CEP83: variants seen among roughly 807,000 people sequenced by gnomAD.
CEP83 encodes the protein centrosomal protein of 83 kDa.
In CEP83, 70 loss-of-function variants were observed where a neutral mutation model predicts 101.9. The observed-to-expected ratio is 0.69, with a 90% CI of 0.57 to 0.84. The LOEUF (loss-of-function observed/expected upper bound fraction) is 0.84, where lower values mean the gene tolerates loss of function less well. CEP83 is among the 40% of genes least tolerant of loss of function. The pLI, the probability that CEP83 is intolerant of heterozygous loss-of-function variation, is 0.00. For missense variants in CEP83, 715 were observed against 787.2 expected (o/e 0.91, Z 1.10); for synonymous variants, 264 against 267.9 (o/e 0.99, Z 0.14).
intron 6 of CEP83, among the ~76,000 whole-genome samples, chr12:94,384,000 G>C (rs974272750): frequency 6.6e-6 from 1 of 152,056 alleles, no homozygotes; most frequent in South Asian, 2.1e-4. Flanking sequence ...GAAAATTCAT[G>C]AAGCAAAAGG....
intron 2 of CEP83, chr12:94,424,622 G>A: frequency 6.2e-7 from 1 of 1,613,634 alleles, no homozygotes; most frequent in Admixed American, 1.7e-5. Context: ...GGCCTTCAGT[G>A]CTGTTACAGC....
Position 94,355,706 on chromosome 12 carries a change from G to A in CEP83, c.1343+12088C>T, listed in dbSNP as rs566763222. On this transcript the variant is annotated intron_variant, in intron 11 of 16. Transcript: ENST00000397809. ...TAATGTCCAAGCTGGAAGGTTGTGG[G>A]TTTACAGGAACGAGGGCAAGGAACA... Among the ~76,000 whole-genome samples, 323 of 152,314 alleles carry A rather than the reference G, an allele frequency of 2.1e-3. 1 individual carries two copies. The highest frequency in any genetic ancestry group is 7.5e-3 in the African/African-American group (311 of 41,574).
the CEP83 span, among the ~76,000 whole-genome samples, chr12:94,296,307 T>C: frequency 2.0e-5 from 3 of 151,986 alleles, no homozygotes; most frequent in African/African-American, 7.3e-5. Context: ...ATTACAGGAG[T>C]GTGCTACCAT....
At chr12:94,392,081 C>A (rs926245604) in intron 6 of CEP83, among the ~76,000 whole-genome samples, 2 of 152,118 alleles carry the variant, frequency 1.3e-5, no homozygotes, top group African/African-American at 4.8e-5. Flanking sequence ...GACAGATCAA[C>A]GAGACAGAAG....
chr12:94,281,016 C>T, the CEP83 span, among the ~76,000 whole-genome samples: 2 of 152,178 alleles, frequency 1.3e-5, no homozygotes, highest in African/African-American at 4.8e-5. Flanking sequence ...TGGTGGCTCA[C>T]GCCTGTAATC....
At chr12:94,353,623 A>C (rs551430995) in intron 11 of CEP83, among the ~76,000 whole-genome samples, 2 of 152,260 alleles carry the variant, frequency 1.3e-5, no homozygotes, top group South Asian at 2.1e-4. Flanking sequence ...CCCCCAATTA[A>C]GACATATAGA....
chr12:94,390,038 G>A (rs1298085088), intron 6 of CEP83, among the ~76,000 whole-genome samples: 2 of 152,248 alleles, frequency 1.3e-5, no homozygotes, highest in African/African-American at 2.4e-5. Flanking sequence ...TGTGGGTGGG[G>A]CATAGCTGAA....
chr12:94,373,838 T>C (rs895828487), intron 8 of CEP83, among the ~76,000 whole-genome samples: 3 of 152,224 alleles, frequency 2.0e-5, no homozygotes, highest in African/African-American at 7.2e-5. Context: ...TTTGCTAGAA[T>C]TGCAAAATGT....
intron 2 of CEP83, among the ~76,000 whole-genome samples, chr12:94,413,770 A>C (rs2064062723): frequency 6.7e-6 from 1 of 148,994 alleles, no homozygotes; most frequent in Non-Finnish European, 1.5e-5. Flanking sequence ...TAAGAACAAA[A>C]ATTTTAATTA....
chr12:94,365,665 G>A (rs145048302), intron 11 of CEP83, among the ~76,000 whole-genome samples: 9 of 151,454 alleles, frequency 5.9e-5, no homozygotes. Flanking sequence ...AGCTACTCAG[G>A]AGGCAGGAGA....
chr12:94,352,419 CAAA>C (rs770031305), intron 11 of CEP83, among the ~76,000 whole-genome samples: 7 of 75,888 alleles, frequency 9.2e-5, no homozygotes, highest in Admixed American at 1.5e-4. Flanking sequence ...GACTTTGTCT[CAAA>C]AAAAAAAAAA....
Position 94,400,937 on chromosome 12 carries a change from T to C in CEP83, c.462A>G (p.Glu154=). ...YRAVYNKLRY[E]HTFLKSEFEH... ...CAAATTCTGACTTGAGAAATGTATG[T>C]TCATAGCGAAGCTTATTATATACAG... The change falls in exon 6 of 17, where the codon GAA becomes GAG. Residue 154 remains glutamate (E), a synonymous_variant. Coordinates refer to ENST00000397809, the MANE Select transcript of CEP83 (RefSeq NM_016122.3). 1.3e-6 allele frequency: 2 copies of C among 1,511,016 alleles called. No individual in the cohort carries two copies. The highest frequency in any genetic ancestry group is 1.4e-5 in the African/African-American group (1 of 71,368). 93.6% of individuals were successfully genotyped at this position (1,511,016 alleles called of 1,614,324 possible). A position where few individuals can be genotyped will look rare whatever the true frequency, so the allele number is the denominator to read the frequency against.
intron 2 of CEP83, among the ~76,000 whole-genome samples, chr12:94,422,250 G>A (rs2064816602): frequency 6.6e-6 from 1 of 152,186 alleles, no homozygotes; most frequent in Non-Finnish European, 1.5e-5. Flanking sequence ...CCATAGCATG[G>A]ACGCATTAGA....
intron 14 of CEP83, among the ~76,000 whole-genome samples, chr12:94,323,726 T>C (rs986777878): frequency 2.0e-5 from 3 of 152,168 alleles, no homozygotes; most frequent in Non-Finnish European, 4.4e-5. Context: ...GATAAAATAT[T>C]AAACAAAATG....
At chr12:94,458,191 C>CT (rs2067836502) in intron 1 of CEP83, among the ~76,000 whole-genome samples, 1 of 148,378 alleles carries the variant, frequency 6.7e-6, no homozygotes, top group Non-Finnish European at 1.5e-5. Context: ...GAATGAAACT[C>CT]TGTCTCAAAA....
At chr12:94,426,680 A>C (rs2065224513) in intron 2 of CEP83, among the ~76,000 whole-genome samples, 1 of 152,184 alleles carries the variant, frequency 6.6e-6, no homozygotes, top group Non-Finnish European at 1.5e-5. Flanking sequence ...CTTTTAAAAA[A>C]AGGGTGGGGT....
At chr12:94,417,800 A>G (rs1011016848) in intron 2 of CEP83, among the ~76,000 whole-genome samples, 1 of 140,290 alleles carries the variant, frequency 7.1e-6, no homozygotes, top group South Asian at 2.2e-4. Context: ...AAATACATAC[A>G]TACATACATA....
chr12:94,391,590 C>A (rs140051537), intron 6 of CEP83, among the ~76,000 whole-genome samples: 118 of 152,146 alleles, frequency 7.8e-4, no homozygotes, highest in African/African-American at 2.8e-3. Context: ...AAATAACCAG[C>A]GAACATCGTA....
chr12:94,393,616 C>G (rs1374531518), intron 6 of CEP83, among the ~76,000 whole-genome samples: 1 of 152,180 alleles, frequency 6.6e-6, no homozygotes, highest in African/African-American at 2.4e-5. Context: ...GTTGGACGTT[C>G]TGGCCAGGGC....
Sources: allele counts gnomAD v4.1 joint callset (sites outside exome capture counted in the v4.1 genomes callset), GRCh38; gene constraint gnomAD v4.1.1; transcripts MANE v1.5; gene names NCBI Gene and HGNC (gene_info 2026-07-23, HGNC 2026-07-21).